The following SEC24D variants were observed in gnomAD, a reference collection of about 807,000 sequenced individuals.
SEC24D encodes protein transport protein Sec24D.
A neutral mutation model predicts 116.9 loss-of-function variants in SEC24D; 69 were observed. That is an observed-to-expected ratio of 0.59 (90% CI 0.49 to 0.72). SEC24D has a LOEUF of 0.72. SEC24D is among the 30% of genes least tolerant of loss of function. SEC24D has a pLI of 0.00. For missense variants in SEC24D, 1,131 were observed against 1,264.1 expected, an observed-to-expected ratio of 0.89 and a Z score of 1.60; for synonymous variants, 405 against 442.8, an observed-to-expected ratio of 0.91 and a Z score of 1.07.
chr4:118,814,594 TTTG>T (rs2110523350), intron 6 of SEC24D, among the ~76,000 whole-genome samples: 1 of 152,302 alleles, frequency 6.6e-6, no homozygotes, highest in East Asian at 1.9e-4. Flanking sequence ...TTAAAAAAAA[TTTG>T]TTTTTTTATT....
chr4:118,747,094 G>A (rs1726572901), intron 13 of SEC24D, among the ~76,000 whole-genome samples: 1 of 152,100 alleles, frequency 6.6e-6, no homozygotes, highest in Admixed American at 6.5e-5. Context: ...CGAATCTACA[G>A]GTATATGTAC....
At chr4:118,810,629 C>T (rs1052259036) in intron 6 of SEC24D, among the ~76,000 whole-genome samples, 1 of 152,150 alleles carries the variant, frequency 6.6e-6, no homozygotes, top group African/African-American at 2.4e-5. Context: ...ACACAGATTC[C>T]AGGGCCTTAG....
chr4:118,800,391 G>T (rs940573711), intron 7 of SEC24D, among the ~76,000 whole-genome samples: 1 of 152,046 alleles, frequency 6.6e-6, no homozygotes, highest in Admixed American at 6.5e-5. Flanking sequence ...TGAAATGAAC[G>T]GGAGGTTGGA....
At chr4:118,806,007 C>T in intron 6 of SEC24D, 53 bp from the exon 7 acceptor site, 1 of 1,190,794 alleles carries the variant, frequency 8.4e-7, no homozygotes, top group Non-Finnish European at 1.2e-6. Flanking sequence ...TTCTTCCCAA[C>T]ATTCCATTTA....
At chr4:118,814,634 T>C (rs568177722) in intron 6 of SEC24D, among the ~76,000 whole-genome samples, 8 of 152,264 alleles carry the variant, frequency 5.3e-5, no homozygotes, top group African/African-American at 1.7e-4. Context: ...ATACTTTCAG[T>C]CTCTATGGGT....
At chr4:118,776,281 A>T (rs1728128803) in intron 8 of SEC24D, among the ~76,000 whole-genome samples, 1 of 152,054 alleles carries the variant, frequency 6.6e-6, no homozygotes, top group Non-Finnish European at 1.5e-5. Flanking sequence ...ATACTAGGAG[A>T]TTCGTCTCTT....
chr4:118,752,897 A>G lies in SEC24D; in HGVS notation c.1422-9T>C, dbSNP rs763150248. The G allele has an allele frequency of 1.5e-6, 2 of 1,314,830 alleles. No homozygotes were observed. The highest frequency in any genetic ancestry group is 2.0e-6 in the Non-Finnish European group (2 of 999,972). The allele number at this position is 1,314,830 out of a possible 1,614,324, so 81.4% of individuals were successfully genotyped here. A position where few individuals can be genotyped will look rare whatever the true frequency, so the allele number is the denominator to read the frequency against. ...TCTCTTCTTGCTCTTCCCTGTAAGG[A>G]AAAAAAAAAGTGTTTGAGATGCTTT... On this transcript the variant is annotated splice_polypyrimidine_tract_variant and intron_variant, in intron 11 of 22. Transcript: ENST00000280551.
chr4:118,770,540 A>C (rs924730554), intron 8 of SEC24D, among the ~76,000 whole-genome samples: 3 of 152,216 alleles, frequency 2.0e-5, no homozygotes, highest in African/African-American at 7.2e-5. Context: ...GAAATTCTGC[A>C]GTTTCCATTC....
At chr4:118,727,926 TTGTAGACACGTGCCTCCAGCTGAG>T (rs1560598189) in intron 22 of SEC24D, among the ~76,000 whole-genome samples, 3 of 152,112 alleles carry the variant, frequency 2.0e-5, no homozygotes, top group Admixed American at 6.6e-5. Flanking sequence ...ACCCTGGCAC[TTGTAGACACGTGCCTCCAGCTGAG>T]TGTCTTATAG....
intron 8 of SEC24D, among the ~76,000 whole-genome samples, chr4:118,795,434 C>T (rs1729136498): frequency 6.6e-6 from 1 of 152,024 alleles, no homozygotes; most frequent in Non-Finnish European, 1.5e-5. Flanking sequence ...GTCTCAAACT[C>T]CTGACCTCTG....
At chr4:118,765,335 T>C (rs1192944460) in intron 9 of SEC24D, among the ~76,000 whole-genome samples, 1 of 152,254 alleles carries the variant, frequency 6.6e-6, no homozygotes. Context: ...ATATTTATTA[T>C]GCTTTAATTA....
At chr4:118,769,091 C>A (rs938758105) in intron 8 of SEC24D, among the ~76,000 whole-genome samples, 5 of 152,164 alleles carry the variant, frequency 3.3e-5, no homozygotes, top group Non-Finnish European at 7.3e-5. Flanking sequence ...TAAACTATTT[C>A]TTCAAAAATG....
At chr4:118,797,456 C>T (rs187871980) in intron 8 of SEC24D, among the ~76,000 whole-genome samples, 20 of 152,264 alleles carry the variant, frequency 1.3e-4, no homozygotes, top group Admixed American at 3.3e-4. Context: ...TACTACAATA[C>T]GCCAAAAAGT....
intron 19 of SEC24D, chr4:118,735,625 GA>G: frequency 6.6e-6 from 1 of 151,490 alleles, no homozygotes; most frequent in South Asian, 2.1e-4. Context: ...TCAGAACAGT[GA>G]GATATTAGAT....
chr4:118,792,256 C>A (rs1380030795), intron 8 of SEC24D, among the ~76,000 whole-genome samples: 100 of 151,156 alleles, frequency 6.6e-4, no homozygotes, highest in African/African-American at 2.4e-3. Context: ...CCGGCAGCCG[C>A]CCCGTCCGGG....
At chr4:118,749,827 A>G (rs1214805107) in intron 13 of SEC24D, among the ~76,000 whole-genome samples, 4 of 152,214 alleles carry the variant, frequency 2.6e-5, no homozygotes, top group African/African-American at 4.8e-5. Context: ...CTTTGCCAGC[A>G]GGGACAGCAG....
At chr4:118,752,366 C>T (rs1578399731) in intron 12 of SEC24D, among the ~76,000 whole-genome samples, 1 of 152,170 alleles carries the variant, frequency 6.6e-6, no homozygotes, top group Non-Finnish European at 1.5e-5. Flanking sequence ...ACAGTGGCTA[C>T]ATCTTCAGTT....
chr4:118,731,548 C>CCCCTT (rs762587139), intron 20 of SEC24D, 41 bp from the exon 21 acceptor site: 7 of 1,543,742 alleles, frequency 4.5e-6, no homozygotes, highest in Admixed American at 1.7e-5. Flanking sequence ...CTCCTTTCTT[C>CCCCTT]CCCTTCCCTT....
At chr4:118,742,371 A>C (rs1012710013) in intron 15 of SEC24D, among the ~76,000 whole-genome samples, 5 of 121,424 alleles carry the variant, frequency 4.1e-5, no homozygotes, top group Non-Finnish European at 8.2e-5. Context: ...TTTTTGGAAA[A>C]GTGGGGGGGG....
Sources: gnomAD v4.1 joint callset for allele counts (sites outside exome capture counted in the v4.1 genomes callset) on GRCh38, gnomAD v4.1.1 for gene constraint, MANE v1.5 for transcripts, NCBI Gene and HGNC (gene_info 2026-07-23, HGNC 2026-07-21) for gene names.